The following STK32A variants were observed in gnomAD, a reference collection of about 807,000 sequenced individuals.
The protein encoded by STK32A is serine/threonine kinase 32A.
In STK32A, 41 loss-of-function variants were observed where a neutral mutation model predicts 53.2. The ratio of observed to expected loss-of-function variants is 0.77; its 90% CI spans 0.60 to 1.00. STK32A has a LOEUF of 1.00. Ranked by LOEUF, STK32A falls within the 50% of genes least tolerant of loss-of-function variation. STK32A has a pLI of 0.00. For synonymous variants in STK32A, 166 were observed against 162.8 expected (o/e 1.02, Z -0.15); for missense variants, 458 against 485.8 (o/e 0.94, Z 0.54).
intron 2 of STK32A, among the ~76,000 whole-genome samples, chr5:147,275,234 G>T (rs1172225903): frequency 6.6e-6 from 1 of 151,912 alleles, no homozygotes; most frequent in East Asian, 1.9e-4. Context: ...ATGAGGTTTA[G>T]TTGCATTTTC....
At chr5:147,400,889 G>A in the STK32A span, 1 of 1,587,142 alleles carries the variant, frequency 6.3e-7, no homozygotes. Flanking sequence ...GGCACACTGG[G>A]AGCTTAGAGT....
intron 2 of STK32A, among the ~76,000 whole-genome samples, chr5:147,253,001 T>G (rs1218995145): frequency 6.6e-6 from 1 of 152,228 alleles, no homozygotes. Flanking sequence ...AATATACTTT[T>G]GTATCCTCAT....
chr5:147,256,726 G>T (rs776739539), intron 2 of STK32A, among the ~76,000 whole-genome samples: 29 of 152,048 alleles, frequency 1.9e-4, no homozygotes, highest in Non-Finnish European at 3.5e-4. Flanking sequence ...TGGTCAGGCT[G>T]GTCTTGAACT....
the STK32A span, chr5:147,397,548 C>T: frequency 9.0e-7 from 1 of 1,105,582 alleles, no homozygotes; most frequent in African/African-American, 1.6e-5. Flanking sequence ...ACAAGACTGT[C>T]ACTGAATTTC....
the STK32A span, chr5:147,394,049 T>C: frequency 3.7e-6 from 6 of 1,613,928 alleles, no homozygotes; most frequent in Non-Finnish European, 5.1e-6. Context: ...CTCAGAGATG[T>C]GATATTAGAA....
intron 2 of STK32A, among the ~76,000 whole-genome samples, chr5:147,272,829 G>A (rs11749030): frequency 6.6e-6 from 1 of 152,102 alleles, no homozygotes; most frequent in African/African-American, 2.4e-5. Context: ...TTTACAGACA[G>A]AGACATTGTT....
At position 147,324,168 on chromosome 5, in the gene STK32A, T is replaced by A. The variant is rs1022318607; in HGVS notation, c.434+97T>A. The A allele has an allele frequency of 1.1e-5, 14 of 1,238,962 alleles. No homozygotes were observed. In the African/African-American group the frequency reaches 2.0e-4, roughly 17 times the overall value. The allele number at this position is 1,238,962 out of a possible 1,614,324, so 76.7% of individuals were successfully genotyped here. A position where few individuals can be genotyped will look rare whatever the true frequency, so the allele number is the denominator to read the frequency against. On this transcript the variant is annotated intron_variant, in intron 5 of 12. Coordinates refer to ENST00000397936, the MANE Select transcript of STK32A (RefSeq NM_001112724.2). ...AATTCTTATTGAACATGACATTTAA[T>A]CCCCGTTTAATTCTTGAAACAGTAC...
chr5:147,363,115 C>A (rs7709728), intron 8 of STK32A, among the ~76,000 whole-genome samples: 118 of 150,818 alleles, frequency 7.8e-4, no homozygotes, highest in African/African-American at 2.7e-3. Flanking sequence ...AACAAACAAA[C>A]AAAAAACAAG....
At chr5:147,395,274 C>A in the STK32A span, among the ~76,000 whole-genome samples, 3 of 152,174 alleles carry the variant, frequency 2.0e-5, no homozygotes, top group African/African-American at 7.2e-5. Flanking sequence ...ATAGAGGGGA[C>A]CAGCTCCCCG....
chr5:147,263,463 C>G (rs6871364), intron 2 of STK32A, among the ~76,000 whole-genome samples: 45,036 of 151,740 alleles, frequency 0.3, 7,069 homozygotes, highest in African/African-American at 0.36. Flanking sequence ...AACAAATGAA[C>G]AGGGAAAAAG....
At chr5:147,313,167 G>A (rs759057118) in intron 4 of STK32A, among the ~76,000 whole-genome samples, 2 of 152,016 alleles carry the variant, frequency 1.3e-5, no homozygotes, top group Non-Finnish European at 2.9e-5. Context: ...CCTTGGAAGT[G>A]GAGGCTGCGG....
At chr5:147,397,038 T>G in the STK32A span, among the ~76,000 whole-genome samples, 1 of 147,942 alleles carries the variant, frequency 6.8e-6, no homozygotes, top group Non-Finnish European at 1.5e-5. Flanking sequence ...TATTTATATA[T>G]TTATATATTA....
chr5:147,368,555 G>A (rs1003018832), intron 8 of STK32A, among the ~76,000 whole-genome samples: 1 of 152,000 alleles, frequency 6.6e-6, no homozygotes, highest in African/African-American at 2.4e-5. Flanking sequence ...GTTCTTCATT[G>A]TACCCTCAAT....
At chr5:147,398,936 T>G in the STK32A span, 1 of 1,134,210 alleles carries the variant, frequency 8.8e-7, no homozygotes. Context: ...GTTGAGGTTT[T>G]GAGCCACTGA....
intron 4 of STK32A, among the ~76,000 whole-genome samples, chr5:147,314,527 CAA>C (rs979925499): frequency 5.2e-5 from 1 of 19,386 alleles, no homozygotes; most frequent in African/African-American, 2.1e-4. Context: ...CAAAAAAAAA[CAA>C]AAAAAAAAAA....
At chr5:147,399,073 G>A in the STK32A span, 113 of 1,613,722 alleles carry the variant, frequency 7.0e-5, no homozygotes, top group African/African-American at 1.1e-3. Context: ...CCACCAGAGC[G>A]GGCCTTACAG....
At chr5:147,293,479 T>TAAAAAA (rs57835374) in intron 4 of STK32A, among the ~76,000 whole-genome samples, 1 of 106,844 alleles carries the variant, frequency 9.4e-6, no homozygotes, top group African/African-American at 3.7e-5. Flanking sequence ...TATTTCGAGG[T>TAAAAAA]AAAAAAAAAA....
At position 147,337,430 on chromosome 5, in the gene STK32A, G is replaced by A. The variant is rs528428878; in HGVS notation, c.435-5576G>A. Among the ~76,000 whole-genome samples, 13 of 152,248 alleles carry A rather than the reference G, an allele frequency of 8.5e-5. No individual in the cohort carries two copies. In the South Asian group the frequency reaches 1.0e-3, roughly 12 times the overall value. Reference sequence around the variant, plus strand: ...TTAGTTGGCCAATGGTAAATGTGGCGCATCTGGCACACAGGGTTTGTTTGG... The same window carrying A: ...TTAGTTGGCCAATGGTAAATGTGGCACATCTGGCACACAGGGTTTGTTTGG... On this transcript the variant is annotated intron_variant, in intron 5 of 12. Coordinates refer to ENST00000397936, the MANE Select transcript of STK32A (RefSeq NM_001112724.2).
intron 6 of STK32A, among the ~76,000 whole-genome samples, chr5:147,347,382 G>A (rs180952507): frequency 6.6e-5 from 10 of 151,812 alleles, no homozygotes; most frequent in Admixed American, 4.6e-4. Context: ...TCTGAGGCTT[G>A]CACCTGAAAA....
Sources: gnomAD v4.1 joint callset for allele counts (sites outside exome capture counted in the v4.1 genomes callset) on GRCh38, gnomAD v4.1.1 for gene constraint, MANE v1.5 for transcripts, NCBI Gene and HGNC (gene_info 2026-07-23, HGNC 2026-07-21) for gene names.